TLE5: variants seen among roughly 807,000 people sequenced by gnomAD.
The protein encoded by TLE5 is TLE family member 5.
In TLE5, 7 loss-of-function variants were observed where a neutral mutation model predicts 25.8. The observed-to-expected ratio is 0.27, with a 90% CI of 0.15 to 0.51. The LOEUF (loss-of-function observed/expected upper bound fraction) is 0.51. TLE5 is among the 20% of genes least tolerant of loss of function. The pLI is 0.97. For missense variants in TLE5, 149 were observed against 250.7 expected, an observed-to-expected ratio of 0.59 and a Z score of 2.74; for synonymous variants, 132 against 110.5, an observed-to-expected ratio of 1.20 and a Z score of -1.22.
intron 5 of TLE5, chr19:3,055,418 C>G: frequency 2.7e-6 from 1 of 370,014 alleles, no homozygotes; most frequent in Non-Finnish European, 4.8e-6. Context: ...TATGACATGA[C>G]TCACTCCAGC....
rs760529735 is a variant in TLE5 at position 3,054,196 on chromosome 19, T to C, written c.298-2A>G. ...GGCTCCCAAGACCTGCTGCTGGTGC[T>C]GGAAGGGGGTCGGGGGAGAGGAGAG... On this transcript the variant is annotated splice_acceptor_variant, in intron 5 of 6. Transcript: ENST00000327141. LOFTEE classifies it high-confidence loss of function. 2 of 1,605,542 alleles carry C rather than the reference T, an allele frequency of 1.2e-6. No homozygotes were observed. The highest frequency in any genetic ancestry group is 1.7e-6 in the Non-Finnish European group (2 of 1,177,760).
At chr19:3,060,610 G>T (rs1472615464) in intron 2 of TLE5, among the ~76,000 whole-genome samples, 2 of 152,116 alleles carry the variant, frequency 1.3e-5, no homozygotes, top group Non-Finnish European at 2.9e-5. Flanking sequence ...GGGATTACAG[G>T]CATGAGCCAC....
rs370052243 is a variant in TLE5 at position 3,054,208 on chromosome 19, G to A, written c.298-14C>T. The A allele has an allele frequency of 3.7e-5, 59 of 1,606,794 alleles. No homozygotes were observed. Among genetic ancestry groups the A allele is most frequent in the Non-Finnish European group, 4.8e-5 (56 of 1,178,530 alleles). On this transcript the variant is annotated splice_polypyrimidine_tract_variant and intron_variant, in intron 5 of 6. Coordinates refer to ENST00000327141, the MANE Select transcript of TLE5 (RefSeq NM_001130.6). ...CTGCTGCTGGTGCTGGAAGGGGGTC[G>A]GGGGAGAGGAGAGGCAGTGATTCCT...
intron 6 of TLE5, 33 bp downstream of exon 6, chr19:3,054,087 C>CGGGGGGGGGGGGG: frequency 1.1e-5 from 16 of 1,476,236 alleles, no homozygotes; most frequent in Non-Finnish European, 1.4e-5. Flanking sequence ...GCCCACCTGT[C>CGGGGGGGGGGGGG]CCCCGCCCAC....
intron 5 of TLE5, 106 bp downstream of exon 5, chr19:3,055,558 G>T: frequency 2.0e-6 from 2 of 998,614 alleles, no homozygotes; most frequent in Non-Finnish European, 2.9e-6. Context: ...GAGGGGAGGC[G>T]TGTGCCCTGG....
At chr19:3,062,513 T>C (rs1288453352), upstream of TLE5, 1 of 625,572 alleles carries the variant, frequency 1.6e-6, no homozygotes, top group African/African-American at 2.0e-5. Context: ...GCTCGGCTGC[T>C]GCGGAGGCTT....
upstream of TLE5, chr19:3,062,946 G>A: frequency 3.6e-6 from 3 of 840,388 alleles, no homozygotes; most frequent in Non-Finnish European, 5.7e-6. Flanking sequence ...CGCCTACTGT[G>A]TGCCAGGCCC....
At position 3,054,075 on chromosome 19, in the gene TLE5, G is replaced by A. The variant is rs758968947; in HGVS notation, c.373-35C>T. 7 of 1,561,652 alleles carry A rather than the reference G, an allele frequency of 4.5e-6. No homozygotes were observed. The South Asian group carries it at 8.2e-5, about 18-fold the overall frequency. On this transcript the variant is annotated intron_variant, in intron 6 of 6. Coordinates refer to ENST00000327141, the MANE Select transcript of TLE5 (RefSeq NM_001130.6). ...GGGGGAGGGGAACATTAGCTGCCTG[G>A]GGCCCACCTGTCCCCCGCCCACCCG...
intron 3 of TLE5, among the ~76,000 whole-genome samples, chr19:3,057,021 C>T (rs1362309147): frequency 6.6e-6 from 1 of 152,176 alleles, no homozygotes; most frequent in Non-Finnish European, 1.5e-5. Context: ...TCTCTGACCC[C>T]AGCCCTATTC....
At chr19:3,056,450 CA>C (rs2090219709) in intron 3 of TLE5, 94 bp from the exon 4 acceptor site, 1 of 548,948 alleles carries the variant, frequency 1.8e-6, no homozygotes, top group South Asian at 2.0e-5. Flanking sequence ...CAGAGACAGA[CA>C]AAGGGGGGAG....
chr19:3,062,588 G>T, upstream of TLE5: 3 of 963,062 alleles, frequency 3.1e-6, no homozygotes, highest in Non-Finnish European at 3.7e-6. Flanking sequence ...GCGCGCCCGG[G>T]GAGGCCTGCG....
intron 4 of TLE5, chr19:3,056,023 C>A (rs1043719202): frequency 6.7e-5 from 35 of 521,734 alleles, no homozygotes; most frequent in Middle Eastern, 4.9e-4. Flanking sequence ...AGGTAGTAAG[C>A]GCTTGTGCGA....
In TLE5 at chr19:3,061,889, G is replaced by GGC. The variant is rs1555697650; in HGVS notation, c.27+284_27+285insGC. Among the ~76,000 whole-genome samples, 52 of 127,104 alleles carry GGC rather than the reference G, an allele frequency of 4.1e-4. 1 individual carries two copies. The highest frequency in any genetic ancestry group is 1.7e-3 in the Admixed American group (24 of 13,858). 83.4% of individuals were successfully genotyped at this position (127,104 alleles called of 152,430 possible). On this transcript the variant is annotated intron_variant, in intron 1 of 6. Transcript: ENST00000327141. The stretch of plus-strand genomic sequence containing the variant: ...GGCCCTGACTGTCCCGGCGGGTTGG[G>GGC]GGGGGGGGGCGCCAAGCCGGGAGCT...
chr19:3,061,139 A>ACGTGT, intron 2 of TLE5, 21 bp downstream of exon 2: 1 of 1,587,952 alleles, frequency 6.3e-7, no homozygotes, highest in East Asian at 2.2e-5. Flanking sequence ...GGACGCAGGG[A>ACGTGT]CCCCCAGTCC....
chr19:3,054,040 G>T lies in TLE5; in HGVS notation c.373C>A (p.Gln125Lys). ...GACAGCTGGTGGGCTTGGAGCTGCT[G>T]CTGCAGGGCGGGGGAGGGGAACATT... is the stretch of plus-strand genomic sequence containing the variant. Reference protein sequence around the residue: ...TAPELNSIIRQQLQAHQLSQL... With the variant: ...TAPELNSIIRKQLQAHQLSQL... The change falls in exon 7 of 7, where the codon CAG (glutamine) becomes AAG (lysine). Residue 125 changes from glutamine (Q) to lysine (K), a missense_variant and splice_region_variant. Physicochemically the swap from Gln to Lys is moderately conservative, Grantham distance 53. Coordinates refer to ENST00000327141, the MANE Select transcript of TLE5 (RefSeq NM_001130.6). The T allele has an allele frequency of 6.3e-7, 1 of 1,586,550 alleles. No individual in the cohort carries two copies.
intron 5 of TLE5, chr19:3,055,026 C>T (rs1475035147): frequency 1.3e-5 from 2 of 152,360 alleles, no homozygotes; most frequent in Non-Finnish European, 2.9e-5. Flanking sequence ...GCCTCAGAAC[C>T]CAAGAAAGGA....
intron 6 of TLE5, 34 bp from the exon 7 acceptor site, chr19:3,054,074 G>A: frequency 1.3e-6 from 2 of 1,562,632 alleles, no homozygotes; most frequent in Non-Finnish European, 8.7e-7. Context: ...TTAGCTGCCT[G>A]GGGCCCACCT....
At chr19:3,061,569 G>C (rs546676042) in intron 1 of TLE5, among the ~76,000 whole-genome samples, 2 of 151,882 alleles carry the variant, frequency 1.3e-5, no homozygotes, top group Non-Finnish European at 2.9e-5. Flanking sequence ...GCGCCGGGAG[G>C]GAGTGCACAT....
chr19:3,054,087 C>CGGGCGG, intron 6 of TLE5, 33 bp downstream of exon 6: 1 of 1,476,460 alleles, frequency 6.8e-7, no homozygotes, highest in Non-Finnish European at 9.2e-7. Flanking sequence ...GCCCACCTGT[C>CGGGCGG]CCCCGCCCAC....
Sources: allele counts gnomAD v4.1 joint callset (sites outside exome capture counted in the v4.1 genomes callset), GRCh38; gene constraint gnomAD v4.1.1; transcripts MANE v1.5; gene names NCBI Gene and HGNC (gene_info 2026-07-23, HGNC 2026-07-21).